The following NFIB variants were observed in gnomAD, a reference collection of about 807,000 sequenced individuals.
The protein encoded by NFIB is nuclear factor 1 B-type.
In NFIB, 11 loss-of-function variants were observed where a neutral mutation model predicts 61.5. The observed-to-expected ratio is 0.18, with a 90% confidence interval of 0.11 to 0.30. NFIB has a LOEUF of 0.30. NFIB is among the 10% of genes least tolerant of loss of function. NFIB has a pLI of 1.00. For synonymous variants in NFIB, 260 were observed against 216.5 expected, an observed-to-expected ratio of 1.20 and a Z score of -1.76; for missense variants, 471 against 608.9, an observed-to-expected ratio of 0.77 and a Z score of 2.38.
At chr9:14,483,664 G>C in the NFIB span, among the ~76,000 whole-genome samples, 2 of 152,166 alleles carry the variant, frequency 1.3e-5, no homozygotes, top group African/African-American at 2.4e-5. Flanking sequence ...CCCGGCACAT[G>C]GAAGTTACCC....
chr9:14,149,403 A>T (rs1407453010), intron 5 of NFIB, among the ~76,000 whole-genome samples: 1 of 152,172 alleles, frequency 6.6e-6, no homozygotes, highest in Non-Finnish European at 1.5e-5. Flanking sequence ...TTGATTACAC[A>T]TATATTTAAT....
chr9:14,488,429 C>T, the NFIB span, among the ~76,000 whole-genome samples: 1 of 152,012 alleles, frequency 6.6e-6, no homozygotes, highest in South Asian at 2.1e-4. Flanking sequence ...CATCCATCCC[C>T]AATTCTGGTT....
At chr9:14,123,261 G>C (rs570554703) in intron 7 of NFIB, among the ~76,000 whole-genome samples, 3 of 145,762 alleles carry the variant, frequency 2.1e-5, no homozygotes, top group African/African-American at 7.9e-5. Flanking sequence ...AAAAAAAAAA[G>C]AAAAGAAAAA....
chr9:14,509,486 T>C, the NFIB span, among the ~76,000 whole-genome samples: 1 of 152,226 alleles, frequency 6.6e-6, no homozygotes, highest in Non-Finnish European at 1.5e-5. Context: ...TTTTTTTCTC[T>C]GGTATTAAAT....
At chr9:14,463,811 C>T in the NFIB span, among the ~76,000 whole-genome samples, 1 of 151,998 alleles carries the variant, frequency 6.6e-6, no homozygotes, top group Admixed American at 6.5e-5. Context: ...CAGGCGCCCG[C>T]CACCAAGCCC....
the NFIB span, among the ~76,000 whole-genome samples, chr9:14,420,445 CAAAAAAAAAAAAAAAA>C: frequency 4.7e-5 from 2 of 42,430 alleles, no homozygotes; most frequent in African/African-American, 1.9e-4. Flanking sequence ...GACTCCGTCT[CAAAAAAAAAAAAAAAA>C]AAAAAAAAAG....
chr9:14,182,474 G>A (rs937177874), intron 2 of NFIB, among the ~76,000 whole-genome samples: 5 of 151,880 alleles, frequency 3.3e-5, no homozygotes, highest in South Asian at 2.1e-4. Flanking sequence ...ACCTTATATC[G>A]GTCACTTAAT....
intron 1 of NFIB, among the ~76,000 whole-genome samples, chr9:14,329,126 A>G (rs1171609466): frequency 6.6e-6 from 1 of 152,100 alleles, no homozygotes; most frequent in South Asian, 2.1e-4. Context: ...CTATACCCCT[A>G]AGTGTACAGT....
At chr9:14,305,294 G>A (rs1466658115) in intron 2 of NFIB, among the ~76,000 whole-genome samples, 1 of 152,138 alleles carries the variant, frequency 6.6e-6, no homozygotes, top group Non-Finnish European at 1.5e-5. Context: ...TAGTGAAGTG[G>A]TTGCAAATCT....
At chr9:14,380,867 T>G (rs977957529) in intron 1 of NFIB, among the ~76,000 whole-genome samples, 9 of 151,954 alleles carry the variant, frequency 5.9e-5, no homozygotes, top group Admixed American at 6.5e-5. Context: ...CTAAAGGTGG[T>G]AGAAGCTAGG....
chr9:14,124,622 A>T (rs1314473674), intron 7 of NFIB, among the ~76,000 whole-genome samples: 1 of 152,218 alleles, frequency 6.6e-6, no homozygotes. Flanking sequence ...TTTCACTATT[A>T]ACATATTTAT....
intron 1 of NFIB, among the ~76,000 whole-genome samples, chr9:14,328,494 A>AT (rs1039927872): frequency 6.6e-6 from 1 of 151,570 alleles, no homozygotes; most frequent in Non-Finnish European, 1.5e-5. Context: ...ATTATCTTTA[A>AT]TTTTTTTTGG....
chr9:14,194,630 G>C (rs1457107983), intron 2 of NFIB, among the ~76,000 whole-genome samples: 1 of 152,134 alleles, frequency 6.6e-6, no homozygotes, highest in Non-Finnish European at 1.5e-5. Context: ...TATATGCTAT[G>C]ATTTAAGAAT....
At chr9:14,104,856 C>T (rs1429659239) in intron 10 of NFIB, among the ~76,000 whole-genome samples, 2 of 151,902 alleles carry the variant, frequency 1.3e-5, no homozygotes, top group Admixed American at 6.6e-5. Context: ...TATATTTAGG[C>T]ATAGTACATA....
At chr9:14,375,317 A>AC (rs1489572777) in intron 1 of NFIB, among the ~76,000 whole-genome samples, 1 of 151,970 alleles carries the variant, frequency 6.6e-6, no homozygotes, top group African/African-American at 2.4e-5. Flanking sequence ...CAAAATGAGA[A>AC]CCCCTCCTAG....
At chr9:14,298,428 G>A (rs1344936628) in intron 2 of NFIB, among the ~76,000 whole-genome samples, 1 of 152,088 alleles carries the variant, frequency 6.6e-6, no homozygotes, top group Non-Finnish European at 1.5e-5. Context: ...AACCTCAGAC[G>A]AGTGTGGAAA....
intron 2 of NFIB, among the ~76,000 whole-genome samples, chr9:14,279,187 G>A (rs984793433): frequency 1.8e-4 from 27 of 152,014 alleles, no homozygotes; most frequent in African/African-American, 4.6e-4. Flanking sequence ...CGGCAAAACC[G>A]AAGCACAAGT....
At position 14,345,022 on chromosome 9, in the gene NFIB, G is replaced by A. The variant is rs116298409; in HGVS notation, c.109-37502C>T. Among the ~76,000 whole-genome samples, 494 of 152,260 alleles carry A rather than the reference G, an allele frequency of 3.2e-3. 5 individuals are homozygous for A. The highest frequency in any genetic ancestry group is 0.011 in the African/African-American group (448 of 41,544). On this transcript the variant is annotated intron_variant, in intron 1 of 8. Transcript: ENST00000380934. ...GGCCCTTCCCAGCATCCATCCTAGAGAATAAAAAGCCCAGCTCCAGGGGTT... is the reference window on the plus strand; with the variant it reads ...GGCCCTTCCCAGCATCCATCCTAGAAAATAAAAAGCCCAGCTCCAGGGGTT...
intron 3 of NFIB, among the ~76,000 whole-genome samples, chr9:14,162,772 A>G (rs2044348116): frequency 2.0e-5 from 3 of 152,078 alleles, no homozygotes; most frequent in Admixed American, 6.6e-5. Flanking sequence ...TTTGCTTTCT[A>G]ATGTTGAGAT....
Sources: allele counts gnomAD v4.1 joint callset (sites outside exome capture counted in the v4.1 genomes callset), GRCh38; gene constraint gnomAD v4.1.1; transcripts MANE v1.5; gene names NCBI Gene and HGNC (gene_info 2026-07-23, HGNC 2026-07-21).